The following CHRNB4 variants were observed in gnomAD, a reference collection of about 807,000 sequenced individuals.
The protein encoded by CHRNB4 is neuronal acetylcholine receptor subunit beta-4.
Under a neutral mutation model 40.4 loss-of-function variants are expected in CHRNB4, and 23 were observed. The ratio of observed to expected loss-of-function variants is 0.57; its 90% CI spans 0.41 to 0.81. CHRNB4 has a LOEUF of 0.81. CHRNB4 is among the 30% of genes least tolerant of loss of function. The probability of loss-of-function intolerance (pLI) is 0.00; values close to 1 mark genes in which losing one functional copy is unlikely to be tolerated. For missense variants in CHRNB4, 568 were observed against 670.6 expected (o/e 0.85, Z 1.69); for synonymous variants, 285 against 274.4 (o/e 1.04, Z -0.38).
At chr15:78,661,391 C>T, upstream of CHRNB4, 1 of 526,724 alleles carries the variant, frequency 1.9e-6, no homozygotes, top group Non-Finnish European at 3.7e-6. Flanking sequence ...GTTTTCCCGG[C>T]CAGGAAGCTT....
At chr15:78,646,626 C>G (rs542261923) in intron 7 of CHRNB4, among the ~76,000 whole-genome samples, 2 of 152,232 alleles carry the variant, frequency 1.3e-5, no homozygotes, top group East Asian at 3.9e-4. Flanking sequence ...TTTTTGTATC[C>G]TCACATGGCA....
chr15:78,637,519 G>A (rs2053978263), intron 1 of CHRNB4, among the ~76,000 whole-genome samples: 2 of 152,256 alleles, frequency 1.3e-5, no homozygotes, highest in South Asian at 2.1e-4. Context: ...GCATGCTGGT[G>A]AGGGGCTGCC....
At chr15:78,640,833 C>T (rs547743725) in intron 1 of CHRNB4, among the ~76,000 whole-genome samples, 3 of 152,332 alleles carry the variant, frequency 2.0e-5, no homozygotes, top group African/African-American at 7.2e-5. Flanking sequence ...GAGGGTGGCC[C>T]TGGCCCTGGC....
chr15:78,635,706 G>A (rs1567125968), intron 1 of CHRNB4, 119 bp from the exon 2 acceptor site: 23 of 1,350,080 alleles, frequency 1.7e-5, no homozygotes, highest in South Asian at 1.2e-4. Context: ...CTGAAGCAGC[G>A]AAGGTGCTGG....
chr15:78,634,116 G>C lies in CHRNB4; in HGVS notation c.204+1323C>G, dbSNP rs150407524. Among the ~76,000 whole-genome samples the C allele has an allele frequency of 1.5e-3, 235 of 152,162 alleles. 4 individuals carry two copies. The highest frequency in any genetic ancestry group is 5.3e-3 in the African/African-American group (220 of 41,502). On this transcript the variant is annotated intron_variant, in intron 2 of 5. Coordinates refer to ENST00000261751, the MANE Select transcript of CHRNB4 (RefSeq NM_000750.5). ...TCCTCAAATAAATAAACAAACCCTGGCAACCCACAACCTAATATTTACTGT... is the reference window on the plus strand; with the variant it reads ...TCCTCAAATAAATAAACAAACCCTGCCAACCCACAACCTAATATTTACTGT...
At chr15:78,630,986 A>G in intron 4 of CHRNB4, 90 bp downstream of exon 4, 3 of 979,268 alleles carry the variant, frequency 3.1e-6, no homozygotes, top group Non-Finnish European at 4.9e-6. Context: ...GATGGGGCTC[A>G]GGGTTGGACT....
chr15:78,645,184 C>T (rs1456096045), upstream of CHRNB4, among the ~76,000 whole-genome samples: 1 of 152,206 alleles, frequency 6.6e-6, no homozygotes, highest in Non-Finnish European at 1.5e-5. Context: ...AACCAGACAA[C>T]CAGGGACAGC....
chr15:78,628,370 C>T (rs2053708354), intron 5 of CHRNB4, among the ~76,000 whole-genome samples: 1 of 152,224 alleles, frequency 6.6e-6, no homozygotes, highest in South Asian at 2.1e-4. Context: ...CCTGCAGAGT[C>T]ACTTCCCAGC....
chr15:78,642,607 C>A (rs2054090540), upstream of CHRNB4, among the ~76,000 whole-genome samples: 1 of 152,118 alleles, frequency 6.6e-6, no homozygotes, highest in East Asian at 1.9e-4. Flanking sequence ...ATGTGTACAT[C>A]CCCAATATAC....
Position 78,635,552 on chromosome 15 carries a change from T to A in CHRNB4, c.91A>T (p.Met31Leu). 2 of 1,614,120 alleles carry A rather than the reference T, an allele frequency of 1.2e-6. No individual in the cohort carries two copies. The highest frequency in any genetic ancestry group is 1.7e-6 in the Non-Finnish European group (2 of 1,180,012). Residue 31 changes from methionine to leucine, a missense_variant, in exon 2 of 6, where the codon ATG becomes TTG. By Grantham distance (15) the Met-to-Leu change is conservative (BLOSUM62 2). Around this residue, in one of 4 missense-constraint regions of CHRNB4, gnomAD observed 161 missense variants for 148.1 expected, o/e 1.09. Coordinates refer to ENST00000261751, the MANE Select transcript of CHRNB4 (RefSeq NM_000750.5). ...CRVANAEEKL[M>L]DDLLNKTRYN... Reference sequence around the variant, plus strand: ...CGGGTTTTGTTCAGAAGGTCGTCCATCAGCTTTTCCTCCGCATTGGCCACG... The same window carrying A: ...CGGGTTTTGTTCAGAAGGTCGTCCAACAGCTTTTCCTCCGCATTGGCCACG...
intron 1 of CHRNB4, among the ~76,000 whole-genome samples, 174 bp downstream of exon 1, chr15:78,640,905 C>T (rs1165541581): frequency 2.0e-5 from 3 of 152,228 alleles, no homozygotes; most frequent in African/African-American, 7.2e-5. Context: ...CGCAGGCCCG[C>T]CCCCGCTGCC....
chr15:78,650,560 T>C (rs746955596), intron 6 of CHRNB4, among the ~76,000 whole-genome samples: 1 of 152,204 alleles, frequency 6.6e-6, no homozygotes, highest in African/African-American at 2.4e-5. Context: ...CCATCAGTGC[T>C]GGTGCCCCTT....
chr15:78,631,275 T>C lies in CHRNB4; in HGVS notation c.249+13A>G, dbSNP rs746592611. 98 of 1,613,974 alleles carry C rather than the reference T, an allele frequency of 6.1e-5. No individual in the cohort carries two copies. In the South Asian group the frequency reaches 1.0e-3, roughly 17 times the overall value. ...AAAGATCTCTGGGGCTCAGGGCCCT[T>C]CAGGGCACTTACCTGTTTCAGCCAG... On this transcript the variant is annotated intron_variant, in intron 3 of 5. Transcript: ENST00000261751.
intron 5 of CHRNB4, among the ~76,000 whole-genome samples, chr15:78,628,621 G>A (rs963370488): frequency 1.3e-5 from 2 of 152,090 alleles, no homozygotes; most frequent in Non-Finnish European, 2.9e-5. Context: ...GGGTACCCAC[G>A]GCAGTATCCT....
intron 5 of CHRNB4, chr15:78,626,390 C>G (rs1345391790): frequency 8.2e-6 from 1 of 121,264 alleles, no homozygotes; most frequent in African/African-American, 3.2e-5. Flanking sequence ...GTGTGTTTCC[C>G]CCTTTTAATA....
Position 78,629,029 on chromosome 15 carries a change from C to T in CHRNB4, c.1276G>A (p.Glu426Lys). The T allele has an allele frequency of 4.3e-6, 7 of 1,614,166 alleles. No individual in the cohort carries two copies. The highest frequency in any genetic ancestry group is 5.9e-6 in the Non-Finnish European group (7 of 1,180,044). Residue 426 changes from glutamate (E) to lysine (K), a missense_variant, in exon 5 of 6, where the codon GAG becomes AAG. This residue lies in a region of CHRNB4 where 242 missense variants were observed against 274.9 expected (regional missense o/e 0.88). Transcript: ENST00000261751. The surrounding 1 kb of genome is among the most constrained non-coding windows in gnomAD (Gnocchi z 6.8). ...SSGRFRQDVQ[E>K]ALEGVSFIAQ... ...ATGAAGCTGACACCTTCTAATGCCTCCTGCACATCCTGTCGGAACCTCCCA... is the reference window on the plus strand; with the variant it reads ...ATGAAGCTGACACCTTCTAATGCCTTCTGCACATCCTGTCGGAACCTCCCA...
At chr15:78,640,958 G>A (rs1163655400) in intron 1 of CHRNB4, 121 bp downstream of exon 1, 4 of 1,166,706 alleles carry the variant, frequency 3.4e-6, no homozygotes, top group Non-Finnish European at 4.8e-6. Context: ...CATCTGGCCG[G>A]GACAATCTCG....
At chr15:78,631,002 C>A in intron 4 of CHRNB4, 74 bp downstream of exon 4, 1 of 1,204,306 alleles carries the variant, frequency 8.3e-7, no homozygotes, top group South Asian at 1.2e-5. Context: ...GGACTCAGGC[C>A]TGGATGACTC....
At chr15:78,628,786 T>C (rs1039301893) in intron 5 of CHRNB4, among the ~76,000 whole-genome samples, 181 bp downstream of exon 5, 2 of 152,214 alleles carry the variant, frequency 1.3e-5, no homozygotes, top group African/African-American at 4.8e-5. Context: ...TGGCACGTCC[T>C]TCCTCTCCCC....
Sources: allele counts gnomAD v4.1 joint callset (sites outside exome capture counted in the v4.1 genomes callset), GRCh38; gene constraint gnomAD v4.1.1; regional missense constraint gnomAD v4.1.1; non-coding constraint Gnocchi (gnomAD v3.1); transcripts MANE v1.5; gene names NCBI Gene and HGNC (gene_info 2026-07-23, HGNC 2026-07-21).